The following VMP1 variants were observed in gnomAD, a reference collection of about 807,000 sequenced individuals.
VMP1 encodes the protein vacuole membrane protein 1, also known as ectopic P-granules autophagy protein 3 homolog.
A neutral mutation model predicts 56.0 loss-of-function variants in VMP1; 11 were observed. The ratio of observed to expected loss-of-function variants is 0.20; its 90% CI spans 0.12 to 0.32. VMP1 has a LOEUF of 0.32. VMP1 is among the 10% of genes least tolerant of loss of function. The pLI is 1.00. For missense variants in VMP1, 296 were observed against 490.3 expected, an observed-to-expected ratio of 0.60 and a Z score of 3.74; for synonymous variants, 149 against 165.0, an observed-to-expected ratio of 0.90 and a Z score of 0.74.
At chr17:59,807,602 G>A (rs990313317) in intron 7 of VMP1, among the ~76,000 whole-genome samples, 3 of 152,002 alleles carry the variant, frequency 2.0e-5, no homozygotes, top group African/African-American at 7.2e-5. Context: ...GGAGGCCGAG[G>A]CGAGCTGATC....
At chr17:59,724,971 A>C (rs1458863814) in intron 1 of VMP1, among the ~76,000 whole-genome samples, 3 of 141,916 alleles carry the variant, frequency 2.1e-5, no homozygotes, top group Admixed American at 6.9e-5. Context: ...GTCTCAAAAA[A>C]AAAAACAAAA....
At chr17:59,830,465 A>C (rs910745423) in intron 10 of VMP1, among the ~76,000 whole-genome samples, 1 of 152,252 alleles carries the variant, frequency 6.6e-6, no homozygotes, top group East Asian at 1.9e-4. Flanking sequence ...GAGATTCTTT[A>C]GACTTTGTGA....
At chr17:59,806,460 T>C (rs1321660822) in intron 7 of VMP1, among the ~76,000 whole-genome samples, 1 of 152,038 alleles carries the variant, frequency 6.6e-6, no homozygotes, top group Non-Finnish European at 1.5e-5. Context: ...GGGTGGTGGC[T>C]CAATGCCTGT....
Position 59,775,224 on chromosome 17 carries a change from G to A in VMP1, c.714+1339G>A, listed in dbSNP as rs143738163. On this transcript the variant is annotated intron_variant, in intron 7 of 11. Coordinates refer to ENST00000262291, the MANE Select transcript of VMP1 (RefSeq NM_030938.5). ...CTCCCAAAGTGCTGGGATTACAGGC[G>A]TGAGCCACCACGCCCGGCCTACAAA... 4.8e-3 allele frequency among the ~76,000 whole-genome samples: 736 copies of A among 152,256 alleles called. 5 individuals carry two copies. Among genetic ancestry groups the A allele is most frequent in the African/African-American group, 9.0e-3 (376 of 41,556 alleles).
At chr17:59,806,436 A>T (rs1454943954) in intron 7 of VMP1, among the ~76,000 whole-genome samples, 1 of 152,104 alleles carries the variant, frequency 6.6e-6, no homozygotes, top group African/African-American at 2.4e-5. Context: ...TAAAAATATT[A>T]AATCTGAGGC....
intron 1 of VMP1, among the ~76,000 whole-genome samples, chr17:59,727,973 A>C (rs914840659): frequency 6.6e-6 from 1 of 152,236 alleles, no homozygotes; most frequent in African/African-American, 2.4e-5. Flanking sequence ...TCAGATTTTA[A>C]ATCTTATGAT....
rs1279104792 is a variant in VMP1, at chr17:59,801,092, ATAT to A, written c.715-7703_715-7701del. On this transcript the variant is annotated intron_variant, in intron 7 of 11. Coordinates refer to ENST00000262291, the MANE Select transcript of VMP1 (RefSeq NM_030938.5). ...AAGACTCCATCTCGAAAAAAAAAAAATATATATATATATATATATATGTGTGTG... is the reference window on the plus strand; with the variant it reads ...AAGACTCCATCTCGAAAAAAAAAAAAATATATATATATATATATGTGTGTG... Among the ~76,000 whole-genome samples the A allele has an allele frequency of 2.8e-3, 184 of 66,400 alleles. 7 individuals are homozygous for A. Among genetic ancestry groups the A allele is most frequent in the African/African-American group, 7.8e-3 (156 of 20,092 alleles). 43.6% of individuals were successfully genotyped at this position (66,400 alleles called of 152,430 possible). A position where few individuals can be genotyped will look rare whatever the true frequency, so the allele number is the denominator to read the frequency against.
At chr17:59,800,305 A>G (rs564986880) in intron 7 of VMP1, among the ~76,000 whole-genome samples, 2 of 152,340 alleles carry the variant, frequency 1.3e-5, no homozygotes, top group African/African-American at 4.8e-5. Flanking sequence ...TTATTGTTTC[A>G]GACTCATTGT....
chr17:59,724,365 A>G (rs1173307348), intron 1 of VMP1, among the ~76,000 whole-genome samples: 1 of 152,126 alleles, frequency 6.6e-6, no homozygotes, highest in Non-Finnish European at 1.5e-5. Flanking sequence ...GGAATCATCA[A>G]TTTTAGGTTT....
chr17:59,818,974 A>T (rs2038344556), intron 10 of VMP1, among the ~76,000 whole-genome samples: 1 of 152,142 alleles, frequency 6.6e-6, no homozygotes. Flanking sequence ...ATGCCACTTG[A>T]TGCTGAGTTT....
intron 7 of VMP1, among the ~76,000 whole-genome samples, chr17:59,778,241 A>G (rs574812718): frequency 5.3e-4 from 81 of 152,216 alleles, no homozygotes; most frequent in African/African-American, 1.9e-3. Context: ...GTATGTTTAT[A>G]TAAGAATAAG....
At chr17:59,732,778 A>G (rs1164115120) in intron 2 of VMP1, among the ~76,000 whole-genome samples, 1 of 152,072 alleles carries the variant, frequency 6.6e-6, no homozygotes, top group Admixed American at 6.6e-5. Context: ...TGCTCACCCC[A>G]TTGGAATTTA....
intron 1 of VMP1, among the ~76,000 whole-genome samples, chr17:59,729,172 A>G (rs973296904): frequency 2.0e-5 from 3 of 152,050 alleles, no homozygotes; most frequent in Non-Finnish European, 4.4e-5. Context: ...TCCTATATCC[A>G]TTCATCAGTT....
At chr17:59,769,733 T>C (rs1294215541) in intron 6 of VMP1, among the ~76,000 whole-genome samples, 1 of 152,222 alleles carries the variant, frequency 6.6e-6, no homozygotes, top group African/African-American at 2.4e-5. Flanking sequence ...TATTTTGCAG[T>C]AAGGAAGCCA....
chr17:59,818,258 T>C (rs975997676), intron 10 of VMP1, among the ~76,000 whole-genome samples: 1 of 152,008 alleles, frequency 6.6e-6, no homozygotes, highest in Non-Finnish European at 1.5e-5. Context: ...TCCCAGCTGC[T>C]CAGGAGGCTG....
At chr17:59,719,769 AT>A (rs1362397552) in intron 1 of VMP1, among the ~76,000 whole-genome samples, 1 of 152,166 alleles carries the variant, frequency 6.6e-6, no homozygotes, top group Non-Finnish European at 1.5e-5. Context: ...TTAGCACTGG[AT>A]ATACAGCCTA....
At chr17:59,827,897 G>T (rs1455040624) in intron 10 of VMP1, among the ~76,000 whole-genome samples, 1 of 151,854 alleles carries the variant, frequency 6.6e-6, no homozygotes, top group Admixed American at 6.6e-5. Context: ...TTGTGCCATT[G>T]CACTCTTGAG....
intron 7 of VMP1, among the ~76,000 whole-genome samples, chr17:59,781,017 TG>T (rs1374205137): frequency 1.3e-5 from 2 of 152,176 alleles, no homozygotes; most frequent in African/African-American, 4.8e-5. Flanking sequence ...TCAGATAAGG[TG>T]TATAAGATTT....
intron 5 of VMP1, among the ~76,000 whole-genome samples, chr17:59,743,584 A>ATATATATATGCTATATTATATATATGC (rs1443630393): frequency 6.7e-6 from 1 of 149,162 alleles, no homozygotes; most frequent in African/African-American, 2.5e-5. Context: ...CTCTCTCTAT[A>ATATATATATGCTATATTATATATATGC]TATATATATG....
Sources: gnomAD v4.1 joint callset for allele counts (sites outside exome capture counted in the v4.1 genomes callset) on GRCh38, gnomAD v4.1.1 for gene constraint, MANE v1.5 for transcripts, NCBI Gene and HGNC (gene_info 2026-07-23, HGNC 2026-07-21) for gene names.